Variants in THSD7B observed in about 807,000 individuals in gnomAD.
THSD7B encodes the protein thrombospondin type 1 domain containing 7B.
A neutral mutation model predicts 213.6 loss-of-function variants in THSD7B; 138 were observed. The ratio of observed to expected loss-of-function variants is 0.65; its 90% CI spans 0.56 to 0.74. The LOEUF (loss-of-function observed/expected upper bound fraction) is 0.74. THSD7B is among the 30% of genes least tolerant of loss of function. The probability of loss-of-function intolerance (pLI) is 0.00; values close to 1 mark genes in which losing one functional copy is unlikely to be tolerated. For missense variants in THSD7B, 1,931 were observed against 1,991.5 expected (o/e 0.97, Z 0.58); for synonymous variants, 742 against 687.0 (o/e 1.08, Z -1.25).
chr2:137,383,277 TG>T (rs1399179326), intron 12 of THSD7B, among the ~76,000 whole-genome samples: 3 of 152,158 alleles, frequency 2.0e-5, no homozygotes, highest in Non-Finnish European at 2.9e-5. Context: ...AAAGCAACAT[TG>T]GGGTAACATC....
intron 4 of THSD7B, among the ~76,000 whole-genome samples, chr2:137,111,843 A>C (rs915298454): frequency 2.5e-4 from 38 of 152,296 alleles, no homozygotes; most frequent in Admixed American, 2.1e-3. Context: ...GCATTTCCAT[A>C]GCCAATTTCG....
At chr2:137,375,178 A>G (rs1302622919) in intron 12 of THSD7B, among the ~76,000 whole-genome samples, 3 of 152,210 alleles carry the variant, frequency 2.0e-5, no homozygotes, top group South Asian at 2.1e-4. Context: ...ATTACTTTGC[A>G]GAGTTTAGAG....
intron 10 of THSD7B, among the ~76,000 whole-genome samples, chr2:137,269,297 A>T (rs908181490): frequency 1.3e-5 from 2 of 152,222 alleles, no homozygotes; most frequent in South Asian, 2.1e-4. Context: ...AAATCAATGC[A>T]ACTGTTTTTC....
At chr2:137,496,278 C>T (rs926190165) in intron 15 of THSD7B, among the ~76,000 whole-genome samples, 5 of 152,190 alleles carry the variant, frequency 3.3e-5, no homozygotes, top group Non-Finnish European at 7.3e-5. Flanking sequence ...AGGTCTCCTA[C>T]GGCCAAAGAC....
chr2:136,959,324 T>C (rs562686130), intron 2 of THSD7B, among the ~76,000 whole-genome samples: 2 of 152,330 alleles, frequency 1.3e-5, no homozygotes, highest in South Asian at 2.1e-4. Flanking sequence ...GTCCCTCTCT[T>C]CTCTCGATCA....
chr2:137,091,157 G>A (rs1282053166), intron 3 of THSD7B, among the ~76,000 whole-genome samples: 1 of 152,164 alleles, frequency 6.6e-6, no homozygotes, highest in African/African-American at 2.4e-5. Context: ...AAATATAAAA[G>A]CCTCAATTAA....
intron 12 of THSD7B, among the ~76,000 whole-genome samples, chr2:137,315,397 G>A (rs189327795): frequency 5.9e-5 from 9 of 152,140 alleles, no homozygotes; most frequent in South Asian, 4.2e-4. Flanking sequence ...ACTGACCTGC[G>A]CCCACTGTCT....
intron 5 of THSD7B, among the ~76,000 whole-genome samples, chr2:137,145,743 A>G (rs1354800613): frequency 6.6e-6 from 1 of 152,094 alleles, no homozygotes; most frequent in Admixed American, 6.6e-5. Context: ...GTAGTTTTTC[A>G]TATGTTATTT....
chr2:137,625,514 G>A (rs1258771817), intron 20 of THSD7B, among the ~76,000 whole-genome samples: 1 of 151,612 alleles, frequency 6.6e-6, no homozygotes, highest in Non-Finnish European at 1.5e-5. Context: ...ATAAATAAAT[G>A]ACAGGGCCCA....
chr2:136,952,434 C>CTTTTTTT (rs35848268), intron 2 of THSD7B, among the ~76,000 whole-genome samples: 111 of 125,576 alleles, frequency 8.8e-4, no homozygotes, highest in East Asian at 2.6e-3. Flanking sequence ...GGGCAGAAAA[C>CTTTTTTT]TTTTTTTTTT....
chr2:137,567,875 C>A (rs1681271293), intron 16 of THSD7B, among the ~76,000 whole-genome samples: 1 of 152,024 alleles, frequency 6.6e-6, no homozygotes, highest in African/African-American at 2.4e-5. Context: ...AATTTGGGCA[C>A]CATTAGCTTA....
rs79641776 is a variant in THSD7B, at chr2:137,158,781, G to A, written c.1370-1432G>A. 6.8e-3 allele frequency among the ~76,000 whole-genome samples: 1,043 copies of A among 152,264 alleles called. 15 individuals are homozygous for A. The highest frequency in any genetic ancestry group is 0.023 in the African/African-American group (971 of 41,558). On this transcript the variant is annotated intron_variant, in intron 5 of 27. Transcript: ENST00000409968. ...ACACGTGTTAAGGGTAAGGCAGAAA[G>A]TAGATGGTATGATTTACAACTCACT...
chr2:137,579,540 A>G (rs527858056), intron 17 of THSD7B, among the ~76,000 whole-genome samples: 33 of 151,662 alleles, frequency 2.2e-4, no homozygotes, highest in South Asian at 1.0e-3. Context: ...GCGCGTGCGC[A>G]CACACACACA....
At chr2:137,343,351 G>C (rs1241143566) in intron 12 of THSD7B, among the ~76,000 whole-genome samples, 1 of 151,576 alleles carries the variant, frequency 6.6e-6, no homozygotes, top group Non-Finnish European at 1.5e-5. Context: ...TCATGATTCA[G>C]TCTTAGTGAG....
At chr2:137,407,087 T>C (rs887694381) in intron 13 of THSD7B, among the ~76,000 whole-genome samples, 3 of 152,174 alleles carry the variant, frequency 2.0e-5, no homozygotes, top group Non-Finnish European at 4.4e-5. Context: ...GTTTTTTTCT[T>C]TTTTCTTGAA....
chr2:137,576,942 T>C (rs1213402127), intron 17 of THSD7B, among the ~76,000 whole-genome samples: 3 of 152,026 alleles, frequency 2.0e-5, no homozygotes, highest in Non-Finnish European at 2.9e-5. Context: ...TATCCCAATG[T>C]TTAGTACTAG....
At chr2:136,772,979 G>A (rs1021495438) in intron 1 of THSD7B, among the ~76,000 whole-genome samples, 4 of 152,040 alleles carry the variant, frequency 2.6e-5, no homozygotes, top group African/African-American at 4.8e-5. Context: ...CTTTGCCTCT[G>A]GCAGAATCAT....
At chr2:137,151,920 A>G (rs1043349926) in intron 5 of THSD7B, among the ~76,000 whole-genome samples, 2 of 151,648 alleles carry the variant, frequency 1.3e-5, no homozygotes, top group African/African-American at 4.9e-5. Context: ...AAGTGTCATT[A>G]TGTGGCACAT....
chr2:137,402,815 CAA>C lies in THSD7B; in HGVS notation c.2501-2780_2501-2779del, dbSNP rs34623127. On this transcript the variant is annotated intron_variant, in intron 12 of 27. Transcript: ENST00000409968. ...TGTGCAGTGAAGCGAAACTCCATCTCAAAAAAAAAAAAAAAAAAAGGTTTGAA... is the reference window on the plus strand; with the variant it reads ...TGTGCAGTGAAGCGAAACTCCATCTCAAAAAAAAAAAAAAAAAGGTTTGAA... 8.5e-3 allele frequency among the ~76,000 whole-genome samples: 706 copies of C among 83,118 alleles called. 4 individuals are homozygous for C. Among genetic ancestry groups the C allele is most frequent in the African/African-American group, 0.021 (477 of 22,810 alleles). The allele number at this position is 83,118 out of a possible 152,430, so 54.5% of individuals were successfully genotyped here.
Sources: allele counts gnomAD v4.1 joint callset (sites outside exome capture counted in the v4.1 genomes callset), GRCh38; gene constraint gnomAD v4.1.1; transcripts MANE v1.5; gene names NCBI Gene and HGNC (gene_info 2026-07-23, HGNC 2026-07-21).